The following KRI1 variants were observed in gnomAD, a reference collection of about 807,000 sequenced individuals.
The protein encoded by KRI1 is KRI1 homolog.
Under a neutral mutation model 97.0 loss-of-function variants are expected in KRI1, and 83 were observed. The ratio of observed to expected loss-of-function variants is 0.86; its 90% CI spans 0.72 to 1.03. The LOEUF is 1.03. Ranked by LOEUF, KRI1 falls within the 50% of genes least tolerant of loss-of-function variation. KRI1 has a pLI of 0.00. For missense variants in KRI1, 916 were observed against 928.4 expected (o/e 0.99, Z 0.17); for synonymous variants, 371 against 363.5 (o/e 1.02, Z -0.23).
In KRI1 at chr19:10,553,657, C is replaced by T. The variant is rs1473634688; in HGVS notation, c.*294G>A. 1 of 334,224 alleles carries T rather than the reference C, an allele frequency of 3.0e-6. No individual in the cohort carries two copies. Among genetic ancestry groups the T allele is most frequent in the Non-Finnish European group, 5.4e-6 (1 of 183,680 alleles). The allele number at this position is 334,224 out of a possible 1,614,324, so 20.7% of individuals were successfully genotyped here. ...GTGGTGCAATCATAGCTCTCTGTAG[C>T]CTCAAACTCATGGCCTTAAGTGATC... On this transcript the variant is annotated 3_prime_UTR_variant, in exon 19 of 19. Coordinates refer to ENST00000312962, the MANE Select transcript of KRI1 (RefSeq NM_023008.5).
chr19:10,558,197 TCTC>T lies in KRI1; in HGVS notation c.1234_1236del (p.Glu412del). On this transcript the variant is annotated inframe_deletion, in exon 13 of 19. Transcript: ENST00000312962. ...CCTTCTTCTTCCTCAAATTGTGGCT[TCTC>T]CTCCTCCACGGCCCCGTAGTACTCG... 3.1e-6 allele frequency: 5 copies of T among 1,613,924 alleles called. No homozygotes were observed. The highest frequency in any genetic ancestry group is 4.2e-6 in the Non-Finnish European group (5 of 1,179,962).
chr19:10,554,199 T>C lies in KRI1; in HGVS notation c.1864A>G (p.Ser622Gly). Reference protein sequence around the residue: ...PQRQLPALDGSLMGPESPPAQ... With the variant: ...PQRQLPALDGGLMGPESPPAQ... ...GGGGGACTCTCCGGCCCCATCAAGC[T>C]GCCATCAAGGGCTGGCAGCTGCCTC... Residue 622 changes from serine to glycine, a missense_variant, in exon 19 of 19, where the codon AGC (serine) becomes GGC (glycine). Ser to Gly is a moderately conservative substitution (Grantham distance 56, BLOSUM62 0). Around this residue, in one of 3 missense-constraint regions of KRI1, gnomAD observed 672 missense variants for 667.2 expected, o/e 1.01. Transcript: ENST00000312962. 6.2e-7 allele frequency: 1 copy of C among 1,614,052 alleles called. No individual in the cohort carries two copies. The highest frequency in any genetic ancestry group is 8.5e-7 in the Non-Finnish European group (1 of 1,180,024).
Position 10,565,019 on chromosome 19 carries a change from G to T in KRI1, c.184C>A (p.Gln62Lys), listed in dbSNP as rs997237910. 1.2e-6 allele frequency: 2 copies of T among 1,611,968 alleles called. No individual in the cohort carries two copies. Among genetic ancestry groups the T allele is most frequent in the East Asian group, 4.5e-5 (2 of 44,864 alleles). ...SDERVEFDPQ[Q>K]ERDFYKTLSL... is the part of the protein sequence containing the mutation. ...AGCGTTTTGTAAAAGTCCCGCTCCT[G>T]CTGGGGATCAAATTCCTAGGGCAGG... The change falls in exon 3 of 19, where the codon CAG becomes AAG. Residue 62 changes from glutamine to lysine, a missense_variant. By Grantham distance (53) the Gln-to-Lys change is moderately conservative. Coordinates refer to ENST00000312962, the MANE Select transcript of KRI1 (RefSeq NM_023008.5).
Position 10,562,785 on chromosome 19 carries a change from T to G in KRI1, c.327A>C (p.Lys109Asn). Reference protein sequence around the residue: ...EDPEALEKQKKVRPMYLKDYE... With the variant: ...EDPEALEKQKNVRPMYLKDYE... ...AGTCCTTCAGGTACATGGGCCGCAC[T>G]TTCTTCTGCTTCTCCAAGGCTTCTG... is the stretch of plus-strand genomic sequence containing the variant. The change falls in exon 4 of 19, where the codon AAA becomes AAC. Residue 109 changes from lysine to asparagine, a missense_variant. Lys to Asn is a moderately conservative substitution (Grantham distance 94). Around this residue, in one of 3 missense-constraint regions of KRI1, gnomAD observed 173 missense variants for 153.1 expected, o/e 1.13. Coordinates refer to ENST00000312962, the MANE Select transcript of KRI1 (RefSeq NM_023008.5). The G allele has an allele frequency of 6.2e-7, 1 of 1,613,748 alleles. No homozygotes were observed. Among genetic ancestry groups the G allele is most frequent in the African/African-American group, 1.3e-5 (1 of 75,040 alleles).
At position 10,555,290 on chromosome 19, in the gene KRI1, C is replaced by T. The variant is rs1401252422; in HGVS notation, c.1677G>A (p.Met559Ile). Reference sequence around the variant, plus strand: ...GCCGCGCCCCGCCCCATCACCTGTACATGCAGGTCTTCTTTAGGGAGCACC... The same window carrying T: ...GCCGCGCCCCGCCCCATCACCTGTATATGCAGGTCTTCTTTAGGGAGCACC... Reference protein sequence around the residue: ...NRWCSLKKTCMYRSEQEELRD... With the variant: ...NRWCSLKKTCIYRSEQEELRD... The change falls in exon 17 of 19, where the codon ATG (methionine) becomes ATA (isoleucine). Residue 559 changes from methionine (M) to isoleucine (I), a missense_variant. Transcript: ENST00000312962. 2 of 1,614,140 alleles carry T rather than the reference C, an allele frequency of 1.2e-6. No individual in the cohort carries two copies. Among genetic ancestry groups the T allele is most frequent in the Non-Finnish European group, 1.7e-6 (2 of 1,179,984 alleles).
Position 10,554,143 on chromosome 19 carries a change from G to A in KRI1, c.1920C>T (p.Pro640=). The A allele has an allele frequency of 1.2e-6, 2 of 1,614,090 alleles. No homozygotes were observed. The highest frequency in any genetic ancestry group is 8.5e-7 in the Non-Finnish European group (1 of 1,180,014). Reference sequence around the variant, plus strand: ...GCTTCTGGGGGGCTGGCTTCTTGTGGGGTGATACAGGGGCTTCCTCTTCCT... The same window carrying A: ...GCTTCTGGGGGGCTGGCTTCTTGTGAGGTGATACAGGGGCTTCCTCTTCCT... The part of the protein sequence containing the change: ...PAQEEEAPVS[P]HKKPAPQKRR... The change falls in exon 19 of 19, where the codon CCC becomes CCT. Residue 640 remains proline (P), a synonymous_variant. Transcript: ENST00000312962.
In KRI1 at chr19:10,564,972, G is replaced by A. The variant is rs373639910; in HGVS notation, c.231C>T (p.Asp77=). The change falls in exon 3 of 19, where the codon GAC becomes GAT. Residue 77 remains aspartate, a synonymous_variant. Coordinates refer to ENST00000312962, the MANE Select transcript of KRI1 (RefSeq NM_023008.5). ...TGGCATCTTTCTGATAAATGCGGGGGTCCTTCTTCTTCAACAAGGAGAGCG... is the reference window on the plus strand; with the variant it reads ...TGGCATCTTTCTGATAAATGCGGGGATCCTTCTTCTTCAACAAGGAGAGCG... The part of the protein sequence containing the change: ...YKTLSLLKKK[D]PRIYQKDATF... The A allele has an allele frequency of 2.5e-6, 4 of 1,613,666 alleles. No individual in the cohort carries two copies. The highest frequency in any genetic ancestry group is 3.4e-6 in the Non-Finnish European group (4 of 1,179,732).
chr19:10,564,665 C>A (rs765921150), intron 3 of KRI1, among the ~76,000 whole-genome samples: 4 of 152,180 alleles, frequency 2.6e-5, no homozygotes, highest in Non-Finnish European at 4.4e-5. Flanking sequence ...AACTCCACCA[C>A]CAGGTAATAA....
Position 10,561,166 on chromosome 19 carries a change from C to T in KRI1, c.585+3G>A. On this transcript the variant is annotated splice_donor_region_variant and intron_variant, in intron 7 of 18. Transcript: ENST00000312962. ...AGCAGTCCAGTCAGGCCCCAGTACC[C>T]ACCTTCTCCTGCCTGGTTTTGGCAC... 1 of 1,613,990 alleles carries T rather than the reference C, an allele frequency of 6.2e-7. No individual in the cohort carries two copies. Among genetic ancestry groups the T allele is most frequent in the Admixed American group, 1.7e-5 (1 of 59,998 alleles).
Position 10,561,020 on chromosome 19 carries a change from C to T in KRI1, c.646G>A (p.Asp216Asn). 1 of 1,614,104 alleles carries T rather than the reference C, an allele frequency of 6.2e-7. No individual in the cohort carries two copies. The highest frequency in any genetic ancestry group is 8.5e-7 in the Non-Finnish European group (1 of 1,179,954). ...LKGQKEIRNP[D>N]SLKELTHLKE... ...GAACTCACCAGTTCCTTCAGGGAAT[C>T]TGGGTTCCGAATCTCTTTCTGTCCC... Residue 216 changes from aspartate (D) to asparagine (N), a missense_variant, in exon 8 of 19, where the codon GAT becomes AAT. By Grantham distance (23) the Asp-to-Asn change is conservative. Transcript: ENST00000312962.
Position 10,562,754 on chromosome 19 carries a change from T to G in KRI1, c.358A>C (p.Arg120=). 6.2e-7 allele frequency: 1 copy of G among 1,608,768 alleles called. No individual in the cohort carries two copies. The highest frequency in any genetic ancestry group is 1.1e-5 in the South Asian group (1 of 90,966). Reference sequence around the variant, plus strand: ...CCTGCCTTCTCCAAGATAACCTTCCTCTCGTAGTCCTTCAGGTACATGGGC... The same window carrying G: ...CCTGCCTTCTCCAAGATAACCTTCCGCTCGTAGTCCTTCAGGTACATGGGC... ...VRPMYLKDYE[R]KVILEKAGKY... is the part of the protein sequence containing the mutation. Residue 120 remains arginine (R), a synonymous_variant, in exon 4 of 19, where the codon AGG becomes CGG. Transcript: ENST00000312962.
At chr19:10,554,744 A>G (rs1307128032) in intron 18 of KRI1, among the ~76,000 whole-genome samples, 3 of 151,934 alleles carry the variant, frequency 2.0e-5, no homozygotes, top group African/African-American at 7.3e-5. Flanking sequence ...TGCATCTATC[A>G]CCCCTGCCTT....
At chr19:10,560,923 G>A in intron 8 of KRI1, 80 bp downstream of exon 8, 1 of 1,088,760 alleles carries the variant, frequency 9.2e-7, no homozygotes, top group South Asian at 1.3e-5. Context: ...CCCATCTTCA[G>A]AGGGTTACTT....
At chr19:10,554,480 G>A (rs996523942) in intron 18 of KRI1, among the ~76,000 whole-genome samples, 199 bp from the exon 19 acceptor site, 2 of 152,208 alleles carry the variant, frequency 1.3e-5, no homozygotes, top group African/African-American at 4.8e-5. Flanking sequence ...ACTAGATTGT[G>A]AGGCTGAGGA....
chr19:10,561,924 C>G, intron 4 of KRI1, 79 bp from the exon 5 acceptor site: 1 of 1,326,760 alleles, frequency 7.5e-7, no homozygotes. Flanking sequence ...GCAGCTATTC[C>G]AAGCAACAGC....
rs752264964 is a variant in KRI1, at chr19:10,558,151, C to A, written c.1270+13G>T. ...GTCCCCAATCCCCAGCCCAGTGCCCCAGCTGATCTCACCTTCAAGCCCTTC... is the reference window on the plus strand; with the variant it reads ...GTCCCCAATCCCCAGCCCAGTGCCCAAGCTGATCTCACCTTCAAGCCCTTC... On this transcript the variant is annotated intron_variant, in intron 13 of 18. Coordinates refer to ENST00000312962, the MANE Select transcript of KRI1 (RefSeq NM_023008.5). 3.1e-6 allele frequency: 5 copies of A among 1,610,820 alleles called. No individual in the cohort carries two copies. The highest frequency in any genetic ancestry group is 4.2e-6 in the Non-Finnish European group (5 of 1,177,038).
Position 10,565,909 on chromosome 19 carries a change from G to C in KRI1, c.91C>G (p.Arg31Gly), listed in dbSNP as rs1916860232. 6.5e-7 allele frequency: 1 copy of C among 1,532,444 alleles called. No homozygotes were observed. The highest frequency in any genetic ancestry group is 8.8e-7 in the Non-Finnish European group (1 of 1,139,406). 94.9% of individuals were successfully genotyped at this position (1,532,444 alleles called of 1,614,324 possible). ...NRYREREELQ[R>G]LKDRYGDRDS... Reference sequence around the variant, plus strand: ...CGCGCATGCGCCCCGCACTCACGCCGCTGCAGTTCCTCGCGCTCCCGGTAG... The same window carrying C: ...CGCGCATGCGCCCCGCACTCACGCCCCTGCAGTTCCTCGCGCTCCCGGTAG... The change falls in exon 1 of 19, where the codon CGG (arginine) becomes GGG (glycine). Residue 31 changes from arginine (R) to glycine (G), a missense_variant. Arg to Gly is a moderately radical substitution (Grantham distance 125). This residue lies in a region of KRI1 where 173 missense variants were observed against 153.1 expected (regional missense o/e 1.13). Transcript: ENST00000312962.
intron 2 of KRI1, 172 bp downstream of exon 2, chr19:10,565,545 C>T (rs1045978433): frequency 1.8e-5 from 15 of 815,280 alleles, no homozygotes; most frequent in Non-Finnish European, 2.8e-5. Flanking sequence ...GGATTTGGCT[C>T]CCCTGGGGAG....
Position 10,565,211 on chromosome 19 carries a change from G to A in KRI1, c.169-177C>T. ...GGCCCTCTTGGGGTGGGCAGGGGCA[G>A]GCCACAGGTAGGTACAGGATATGGG... is the stretch of plus-strand genomic sequence containing the variant. On this transcript the variant is annotated intron_variant, in intron 2 of 18. Transcript: ENST00000312962. The A allele has an allele frequency of 4.7e-6, 3 of 633,762 alleles. No homozygotes were observed. In the South Asian group the frequency reaches 5.3e-5, roughly 11 times the overall value. 39.3% of individuals were successfully genotyped at this position (633,762 alleles called of 1,614,324 possible).
Sources: gnomAD v4.1 joint callset for allele counts (sites outside exome capture counted in the v4.1 genomes callset) on GRCh38, gnomAD v4.1.1 for gene constraint, gnomAD v4.1.1 regional missense constraint, MANE v1.5 for transcripts, NCBI Gene and HGNC (gene_info 2026-07-23, HGNC 2026-07-21) for gene names.